BBS9: variants seen among roughly 807,000 people sequenced by gnomAD.
BBS9 encodes the protein protein PTHB1.
BBS9 carries 89 observed loss-of-function variants against 117.7 expected under a neutral mutation model. That is an observed-to-expected ratio of 0.76 (90% confidence interval 0.64 to 0.90). The LOEUF is 0.90. Among genes scored for constraint, BBS9 ranks in the 40% least tolerant of loss-of-function variants. The pLI, the probability that BBS9 is intolerant of heterozygous loss-of-function variation, is 0.00. For missense variants in BBS9, 982 were observed against 1,042.2 expected (o/e 0.94, Z 0.80); for synonymous variants, 379 against 370.9 (o/e 1.02, Z -0.25).
intron 11 of BBS9, among the ~76,000 whole-genome samples, chr7:33,343,055 G>A (rs1244620489): frequency 6.6e-6 from 1 of 152,162 alleles, no homozygotes; most frequent in Admixed American, 6.5e-5. Flanking sequence ...ATGGTTTCCT[G>A]TGGAGCCATA....
At chr7:33,407,483 G>T (rs1222149486) in intron 19 of BBS9, among the ~76,000 whole-genome samples, 1 of 152,238 alleles carries the variant, frequency 6.6e-6, no homozygotes, top group African/African-American at 2.4e-5. Flanking sequence ...GTGAGGAACT[G>T]CATTCCTTTG....
At chr7:33,408,289 A>C (rs1399781141) in intron 19 of BBS9, among the ~76,000 whole-genome samples, 1 of 152,172 alleles carries the variant, frequency 6.6e-6, no homozygotes, top group Non-Finnish European at 1.5e-5. Context: ...AGCCCGTCGG[A>C]AAAGTGCAGT....
intron 21 of BBS9, among the ~76,000 whole-genome samples, chr7:33,626,807 C>A (rs1040685047): frequency 3.3e-5 from 5 of 152,170 alleles, no homozygotes; most frequent in Admixed American, 2.0e-4. Flanking sequence ...TGTTGCCTGG[C>A]TGCTTCTAAC....
chr7:33,492,252 G>T (rs1437312359), intron 19 of BBS9, among the ~76,000 whole-genome samples: 1 of 139,976 alleles, frequency 7.1e-6, no homozygotes, highest in African/African-American at 2.7e-5. Flanking sequence ...TGAGTGTTTA[G>T]CCAGGGAATA....
intron 5 of BBS9, among the ~76,000 whole-genome samples, chr7:33,248,784 A>G (rs1421133008): frequency 6.6e-6 from 1 of 152,136 alleles, no homozygotes; most frequent in African/African-American, 2.4e-5. Flanking sequence ...CGGAAGTTCC[A>G]CAGACTTTTG....
rs1584342920 is a variant in BBS9 at position 33,327,956 on chromosome 7, G to A, written c.1017-8485G>A. On this transcript the variant is annotated intron_variant, in intron 9 of 22. Coordinates refer to ENST00000242067, the MANE Select transcript of BBS9 (RefSeq NM_198428.3). ...AGGGTAGCTTTGAGTTGGAGAGGTG[G>A]GGCCAAAATCAGGAACTCATGGGTA... Among the ~76,000 whole-genome samples, 3 of 152,202 alleles carry A rather than the reference G, an allele frequency of 2.0e-5. No individual in the cohort carries two copies. In the East Asian group the frequency reaches 5.8e-4, roughly 29 times the overall value.
intron 21 of BBS9, among the ~76,000 whole-genome samples, chr7:33,597,570 A>G (rs1863059137): frequency 6.6e-6 from 1 of 152,192 alleles, no homozygotes; most frequent in South Asian, 2.1e-4. Flanking sequence ...AAAGTCTTCA[A>G]ATATACCCAC....
At chr7:33,616,033 G>A (rs536459590) in intron 21 of BBS9, among the ~76,000 whole-genome samples, 32 of 151,934 alleles carry the variant, frequency 2.1e-4, no homozygotes, top group Non-Finnish European at 2.4e-4. Context: ...GACCAGCCTT[G>A]CAAGAAATGT....
At chr7:33,155,733 A>G (rs772903869) in intron 4 of BBS9, 31 bp downstream of exon 4, 2 of 1,105,924 alleles carry the variant, frequency 1.8e-6, no homozygotes, top group East Asian at 2.7e-5. Flanking sequence ...TGTAGAATTT[A>G]TATTACAAAT....
chr7:33,545,784 A>G (rs912942705), intron 21 of BBS9, among the ~76,000 whole-genome samples: 1 of 152,116 alleles, frequency 6.6e-6, no homozygotes, highest in East Asian at 1.9e-4. Flanking sequence ...CTATTATTCA[A>G]TATATGTAAA....
At chr7:33,529,162 TG>T (rs1850165793) in intron 20 of BBS9, among the ~76,000 whole-genome samples, 1 of 152,174 alleles carries the variant, frequency 6.6e-6, no homozygotes, top group Non-Finnish European at 1.5e-5. Flanking sequence ...GCAATCACAC[TG>T]GTACACAAAG....
intron 19 of BBS9, among the ~76,000 whole-genome samples, chr7:33,410,355 C>A (rs1309010608): frequency 6.6e-6 from 1 of 152,140 alleles, no homozygotes; most frequent in Admixed American, 6.5e-5. Flanking sequence ...CTCATCAGAA[C>A]ACTGTCTCTT....
At chr7:33,203,964 C>G (rs1786413079) in intron 5 of BBS9, among the ~76,000 whole-genome samples, 1 of 150,492 alleles carries the variant, frequency 6.6e-6, no homozygotes. Flanking sequence ...CTCAGGTAAT[C>G]CGCCCGCCTC....
rs1794636384 is a variant in BBS9 at position 33,242,186 on chromosome 7, T to G, written c.443-15050T>G. ...CACATTAAAATCAGTTTGGGGTTTA[T>G]GAATTCCTAGGATAGATTTTTTTTT... On this transcript the variant is annotated intron_variant, in intron 5 of 22. Transcript: ENST00000242067. Among the ~76,000 whole-genome samples, 4 of 152,258 alleles carry G rather than the reference T, an allele frequency of 2.6e-5. No individual in the cohort carries two copies. In the South Asian group the frequency reaches 8.3e-4, roughly 32 times the overall value.
At chr7:33,596,062 G>A (rs375960221) in intron 21 of BBS9, among the ~76,000 whole-genome samples, 3 of 151,844 alleles carry the variant, frequency 2.0e-5, no homozygotes, top group African/African-American at 4.8e-5. Flanking sequence ...AGGACAAATA[G>A]CTAATGCAAG....
At chr7:33,462,807 T>G (rs779436547) in intron 19 of BBS9, among the ~76,000 whole-genome samples, 2 of 152,030 alleles carry the variant, frequency 1.3e-5, no homozygotes, top group Non-Finnish European at 2.9e-5. Context: ...ACATGTTGGA[T>G]GGGCAGCTCT....
intron 21 of BBS9, among the ~76,000 whole-genome samples, chr7:33,583,795 T>A (rs1389224748): frequency 1.3e-5 from 2 of 152,130 alleles, no homozygotes; most frequent in Non-Finnish European, 2.9e-5. Flanking sequence ...ACTAACTAGC[T>A]GTGTGACCTT....
intron 5 of BBS9, among the ~76,000 whole-genome samples, chr7:33,206,575 C>T (rs1786970548): frequency 6.6e-6 from 1 of 151,912 alleles, no homozygotes; most frequent in African/African-American, 2.4e-5. Context: ...GTCTCCTTCT[C>T]TCCCTCTCTC....
chr7:33,441,700 T>C (rs1424867598), intron 19 of BBS9, among the ~76,000 whole-genome samples: 1 of 152,198 alleles, frequency 6.6e-6, no homozygotes, highest in Non-Finnish European at 1.5e-5. Context: ...GCAACTAATG[T>C]ATGCTTTCAT....
Sources: allele counts gnomAD v4.1 joint callset (sites outside exome capture counted in the v4.1 genomes callset), GRCh38; gene constraint gnomAD v4.1.1; transcripts MANE v1.5; gene names NCBI Gene and HGNC (gene_info 2026-07-23, HGNC 2026-07-21).